Variants in DNAI3 observed in about 807,000 individuals in gnomAD.
DNAI3 encodes dynein axonemal intermediate chain 3, also known as WD repeat domain 63.
A neutral mutation model predicts 115.5 loss-of-function variants in DNAI3; 83 were observed. That is an observed-to-expected ratio of 0.72 (90% CI 0.60 to 0.86). The LOEUF (loss-of-function observed/expected upper bound fraction) is 0.86, where lower values mean the gene tolerates loss of function less well. Ranked by LOEUF, DNAI3 falls within the 40% of genes least tolerant of loss-of-function variation. The pLI, the probability that DNAI3 is intolerant of heterozygous loss-of-function variation, is 0.00. For synonymous variants in DNAI3, 320 were observed against 347.0 expected (o/e 0.92, Z 0.86); for missense variants, 1,004 against 1,075.8 (o/e 0.93, Z 0.93).
At chr1:85,084,345 T>C (rs958071102) in intron 5 of DNAI3, among the ~76,000 whole-genome samples, 2 of 148,610 alleles carry the variant, frequency 1.3e-5, no homozygotes, top group East Asian at 1.9e-4. Flanking sequence ...TCTTTCTATA[T>C]GCTTGATACC....
chr1:85,100,103 AAAGCC>A (rs1353558754), intron 13 of DNAI3, among the ~76,000 whole-genome samples: 10 of 68,662 alleles, frequency 1.5e-4, no homozygotes, highest in African/African-American at 4.0e-4. Context: ...AATGGCAACA[AAAGCC>A]AAAATTGACA....
At chr1:85,109,546 CTG>C (rs1417081585) in intron 15 of DNAI3, among the ~76,000 whole-genome samples, 10 of 152,114 alleles carry the variant, frequency 6.6e-5, no homozygotes, top group Non-Finnish European at 1.5e-5. Context: ...TGAGGGAAAA[CTG>C]TGAAGTGTGA....
rs1408728753 is a variant in DNAI3, at chr1:85,124,174, C to G, written c.2035C>G (p.Gln679Glu). ...TCACGACGGAACTGTCCACACTATT[C>G]AGAGATCACCTTTCTACAACGACAT... ...TIHDGTVHTIQRSPFYNDIIL... is the reference protein window; with the variant it reads ...TIHDGTVHTIERSPFYNDIIL... The change falls in exon 19 of 23, where the codon CAG (glutamine) becomes GAG (glutamate). Residue 679 changes from glutamine to glutamate, a missense_variant. Around this residue, in one of 3 missense-constraint regions of DNAI3, gnomAD observed 429 missense variants for 454.3 expected, o/e 0.94. Transcript: ENST00000294664. The G allele has an allele frequency of 3.1e-6, 5 of 1,614,098 alleles. No individual in the cohort carries two copies. In the African/African-American group the frequency reaches 5.3e-5, roughly 17 times the overall value.
intron 20 of DNAI3, among the ~76,000 whole-genome samples, chr1:85,127,172 G>A (rs1656172658): frequency 6.6e-6 from 1 of 151,844 alleles, no homozygotes; most frequent in Admixed American, 6.6e-5. Context: ...TCACTTTTGT[G>A]GTTCTCCCCT....
Position 85,096,029 on chromosome 1 carries a change from C to A in DNAI3, c.1263+9C>A. On this transcript the variant is annotated intron_variant, in intron 11 of 22. Transcript: ENST00000294664. ...GCTGTATCAATGGGCAGGTACTTAA[C>A]AGAATTTTTTTCAGCTATGTATTAA... The A allele has an allele frequency of 1.9e-6, 3 of 1,612,944 alleles. No homozygotes were observed. The highest frequency in any genetic ancestry group is 1.7e-6 in the Non-Finnish European group (2 of 1,179,236).
chr1:85,121,669 C>G, intron 17 of DNAI3, 82 bp from the exon 18 acceptor site: 2 of 1,275,018 alleles, frequency 1.6e-6, no homozygotes, highest in Non-Finnish European at 2.2e-6. Context: ...TTTTGCTTAA[C>G]AGTCAATCTT....
chr1:85,065,207 C>G (rs965993364), intron 1 of DNAI3, among the ~76,000 whole-genome samples: 1 of 151,932 alleles, frequency 6.6e-6, no homozygotes, highest in Non-Finnish European at 1.5e-5. Flanking sequence ...GGTGCCAGTG[C>G]TACAAGTCCT....
intron 7 of DNAI3, among the ~76,000 whole-genome samples, chr1:85,087,578 G>C (rs1298162468): frequency 6.6e-6 from 1 of 151,022 alleles, no homozygotes; most frequent in Admixed American, 6.6e-5. Context: ...TCTTCACTCT[G>C]CCCTTGGAAT....
intron 3 of DNAI3, among the ~76,000 whole-genome samples, chr1:85,075,132 A>G (rs1328280323): frequency 6.6e-6 from 1 of 151,918 alleles, no homozygotes. Context: ...GGCTCAAGGG[A>G]TCCTCTTGCC....
chr1:85,128,125 C>CAAAAAAAAA (rs11344833), intron 20 of DNAI3, among the ~76,000 whole-genome samples: 31 of 64,362 alleles, frequency 4.8e-4, no homozygotes, highest in Non-Finnish European at 5.0e-4. Context: ...GACCCTGTCT[C>CAAAAAAAAA]AAAAAAAAAA....
chr1:85,074,733 G>A (rs1373591423), intron 3 of DNAI3, among the ~76,000 whole-genome samples: 3 of 152,092 alleles, frequency 2.0e-5, no homozygotes, highest in Non-Finnish European at 4.4e-5. Context: ...TGCTCCTAGG[G>A]GAAACACAGG....
chr1:85,120,082 C>A (rs1367282087), intron 17 of DNAI3, among the ~76,000 whole-genome samples: 1 of 152,234 alleles, frequency 6.6e-6, no homozygotes, highest in Non-Finnish European at 1.5e-5. Context: ...CATCCCTCAA[C>A]AGATACTCAC....
intron 13 of DNAI3, among the ~76,000 whole-genome samples, chr1:85,101,946 A>G (rs923693667): frequency 6.6e-6 from 1 of 151,860 alleles, no homozygotes; most frequent in African/African-American, 2.4e-5. Context: ...ATTCATACCT[A>G]TAATTCCAAC....
chr1:85,070,790 T>TA (rs1260967722), intron 1 of DNAI3, among the ~76,000 whole-genome samples: 1 of 152,204 alleles, frequency 6.6e-6, no homozygotes, highest in African/African-American at 2.4e-5. Flanking sequence ...AAGATTAAAT[T>TA]AAAAACACAA....
intron 22 of DNAI3, among the ~76,000 whole-genome samples, chr1:85,130,746 G>T (rs915289292): frequency 2.0e-5 from 3 of 152,082 alleles, no homozygotes; most frequent in Non-Finnish European, 4.4e-5. Flanking sequence ...TAGAGAGAAA[G>T]AGGTGAATTT....
At chr1:85,108,307 G>T in intron 15 of DNAI3, 130 bp downstream of exon 15, 2 of 1,044,484 alleles carry the variant, frequency 1.9e-6, no homozygotes, top group Non-Finnish European at 2.6e-6. Flanking sequence ...TGTACAATTT[G>T]TGTTTATTCA....
chr1:85,117,521 T>C (rs541695053), intron 16 of DNAI3, among the ~76,000 whole-genome samples: 7 of 152,230 alleles, frequency 4.6e-5, no homozygotes, highest in Non-Finnish European at 8.8e-5. Context: ...AGAGCTATAA[T>C]ATAGCACAGT....
chr1:85,098,792 T>C, intron 13 of DNAI3, 134 bp downstream of exon 13: 1 of 1,319,610 alleles, frequency 7.6e-7, no homozygotes, highest in Non-Finnish European at 1.1e-6. Flanking sequence ...CATCAAAAAA[T>C]GGGGTTACTG....
intron 5 of DNAI3, among the ~76,000 whole-genome samples, chr1:85,084,277 T>TATATACAC (rs59205168): frequency 3.3e-4 from 43 of 128,484 alleles, no homozygotes; most frequent in African/African-American, 7.4e-4. Flanking sequence ...TATATATATA[T>TATATACAC]ACACATCCAT....
Sources: gnomAD v4.1 joint callset for allele counts (sites outside exome capture counted in the v4.1 genomes callset) on GRCh38, gnomAD v4.1.1 for gene constraint, gnomAD v4.1.1 regional missense constraint, MANE v1.5 for transcripts, NCBI Gene and HGNC (gene_info 2026-07-23, HGNC 2026-07-21) for gene names.